COMMD10: variants seen among roughly 807,000 people sequenced by gnomAD.
COMMD10 encodes the protein COMM domain containing 10.
Under a neutral mutation model 28.9 loss-of-function variants are expected in COMMD10, and 33 were observed. That is an observed-to-expected ratio of 1.14 (90% CI 0.87 to 1.53). The LOEUF (loss-of-function observed/expected upper bound fraction) is 1.53. Among genes scored for constraint, COMMD10 ranks in the 40% most tolerant of loss-of-function variants. COMMD10 has a pLI of 0.00. For missense variants in COMMD10, 310 were observed against 233.4 expected, an observed-to-expected ratio of 1.33 and a Z score of -2.14; for synonymous variants, 110 against 81.7, an observed-to-expected ratio of 1.35 and a Z score of -1.87.
intron 5 of COMMD10, among the ~76,000 whole-genome samples, chr5:116,211,176 G>A (rs921034365): frequency 3.9e-5 from 6 of 152,014 alleles, no homozygotes; most frequent in African/African-American, 1.2e-4. Flanking sequence ...GTATATGTAT[G>A]TATATTTGTA....
chr5:116,173,851 T>TG (rs1330721128), intron 5 of COMMD10, among the ~76,000 whole-genome samples: 1 of 149,442 alleles, frequency 6.7e-6, no homozygotes, highest in African/African-American at 2.5e-5. Context: ...TTGTTTTTGT[T>TG]TTTTTTTTTT....
intron 4 of COMMD10, among the ~76,000 whole-genome samples, chr5:116,126,486 A>G (rs1751645147): frequency 6.6e-6 from 1 of 152,138 alleles, no homozygotes; most frequent in Admixed American, 6.5e-5. Flanking sequence ...AAGCAAAAAG[A>G]ACAAAGCTGG....
At chr5:116,209,011 G>C (rs186736509) in intron 5 of COMMD10, among the ~76,000 whole-genome samples, 2 of 151,946 alleles carry the variant, frequency 1.3e-5, no homozygotes, top group Non-Finnish European at 2.9e-5. Flanking sequence ...GCCAGATTCT[G>C]TCTCTCTTTT....
intron 5 of COMMD10, among the ~76,000 whole-genome samples, chr5:116,158,739 A>T (rs1022030454): frequency 2.6e-5 from 4 of 151,984 alleles, no homozygotes; most frequent in African/African-American, 9.7e-5. Context: ...AGACTAATTC[A>T]TTCCTGTCTT....
intron 5 of COMMD10, among the ~76,000 whole-genome samples, chr5:116,167,893 G>C (rs530833791): frequency 6.6e-6 from 1 of 152,232 alleles, no homozygotes; most frequent in African/African-American, 2.4e-5. Flanking sequence ...AAATTGTAAA[G>C]ACCATCGACA....
chr5:116,211,187 T>G (rs1390241263), intron 5 of COMMD10, among the ~76,000 whole-genome samples: 1 of 152,144 alleles, frequency 6.6e-6, no homozygotes, highest in African/African-American at 2.4e-5. Flanking sequence ...TATATTTGTA[T>G]GTATATGCAG....
chr5:116,217,920 A>G, intron 5 of COMMD10: 1 of 689,534 alleles, frequency 1.5e-6, no homozygotes, highest in Non-Finnish European at 2.6e-6. Flanking sequence ...AGCTCAAAAA[A>G]AAAAAGTAAA....
At chr5:116,122,599 T>C (rs560250615) in intron 4 of COMMD10, among the ~76,000 whole-genome samples, 45 of 151,512 alleles carry the variant, frequency 3.0e-4, no homozygotes, top group African/African-American at 1.1e-3. Flanking sequence ...GATATTGATT[T>C]TTCCTATCCA....
chr5:116,089,236 C>T (rs1047994519), intron 2 of COMMD10, among the ~76,000 whole-genome samples: 4 of 152,162 alleles, frequency 2.6e-5, no homozygotes, highest in Non-Finnish European at 4.4e-5. Context: ...CTGTGGTCAT[C>T]TCTGGTCATC....
intron 5 of COMMD10, among the ~76,000 whole-genome samples, chr5:116,203,230 T>C (rs1212690538): frequency 6.6e-6 from 1 of 151,964 alleles, no homozygotes; most frequent in Non-Finnish European, 1.5e-5. Flanking sequence ...CCAAGAAATA[T>C]GGGACTATGT....
rs3072964 is a variant in COMMD10, at chr5:116,140,231, A to ATGTGTGTGTGTGTGTG, written c.510+6063_510+6078dup. 9.0e-3 allele frequency among the ~76,000 whole-genome samples: 1,327 copies of ATGTGTGTGTGTGTGTG among 147,070 alleles called. 23 individuals are homozygous for ATGTGTGTGTGTGTGTG. The highest frequency in any genetic ancestry group is 0.03 in the African/African-American group (1,178 of 39,732). ...TTTTTCAAGGCTGACTCATACTACT[A>ATGTGTGTGTGTGTGTG]TGTGTGTGTGTGTGTGTGTGTGTGT... On this transcript the variant is annotated intron_variant, in intron 5 of 6. Coordinates refer to ENST00000274458, the MANE Select transcript of COMMD10 (RefSeq NM_016144.4).
At chr5:116,187,495 A>G (rs948184631) in intron 5 of COMMD10, among the ~76,000 whole-genome samples, 1 of 150,890 alleles carries the variant, frequency 6.6e-6, no homozygotes, top group Non-Finnish European at 1.5e-5. Context: ...ATATTGATGT[A>G]AAAAAAAATT....
chr5:116,135,975 AGTATAT>A (rs1182712163), intron 5 of COMMD10, among the ~76,000 whole-genome samples: 1 of 152,196 alleles, frequency 6.6e-6, no homozygotes, highest in African/African-American at 2.4e-5. Flanking sequence ...CTAAATACCT[AGTATAT>A]GTAAAGTGTT....
intron 1 of COMMD10, chr5:116,085,295 CCACCTGTGGGGCT>C: frequency 1.7e-6 from 1 of 579,862 alleles, no homozygotes; most frequent in Non-Finnish European, 3.0e-6. Flanking sequence ...TCACGGTGGT[CCACCTGTGGGGCT>C]CACAGTGCGC....
intron 5 of COMMD10, among the ~76,000 whole-genome samples, chr5:116,210,228 A>C (rs1426452129): frequency 6.6e-6 from 1 of 152,186 alleles, no homozygotes; most frequent in Admixed American, 6.6e-5. Flanking sequence ...AATGGCAATT[A>C]AATTTCAATG....
At chr5:116,263,966 C>T (rs888194784) in intron 5 of COMMD10, among the ~76,000 whole-genome samples, 2 of 151,712 alleles carry the variant, frequency 1.3e-5, no homozygotes, top group African/African-American at 2.4e-5. Context: ...AAATGTTTTA[C>T]GGAGTTTGAC....
At chr5:116,163,446 C>T (rs528157828) in intron 5 of COMMD10, among the ~76,000 whole-genome samples, 19 of 96,726 alleles carry the variant, frequency 2.0e-4, no homozygotes, top group African/African-American at 1.5e-3. Context: ...AAAAAAAAGC[C>T]AGGCTTGGTG....
chr5:116,181,806 T>A (rs1283460248), intron 5 of COMMD10, among the ~76,000 whole-genome samples: 2 of 152,084 alleles, frequency 1.3e-5, no homozygotes, highest in East Asian at 3.9e-4. Flanking sequence ...AGTAGGATAT[T>A]ATAAAATTGG....
chr5:116,162,480 T>C lies in COMMD10; in HGVS notation c.510+28302T>C, dbSNP rs186298247. Among the ~76,000 whole-genome samples the C allele has an allele frequency of 4.5e-4, 68 of 152,332 alleles. 1 individual carries two copies. Among genetic ancestry groups the C allele is most frequent in the African/African-American group, 1.6e-3 (66 of 41,578 alleles). ...GTTGCATAATAGCTGCCCACTCAGG[T>C]ATTTTAGATTGGCATGGCAGTGACT... On this transcript the variant is annotated intron_variant, in intron 5 of 6. Transcript: ENST00000274458.
Sources: gnomAD v4.1 joint callset for allele counts (sites outside exome capture counted in the v4.1 genomes callset) on GRCh38, gnomAD v4.1.1 for gene constraint, MANE v1.5 for transcripts, NCBI Gene and HGNC (gene_info 2026-07-23, HGNC 2026-07-21) for gene names.